Variants in TFAP2D observed in about 807,000 individuals in gnomAD.
The protein encoded by TFAP2D is transcription factor AP-2 delta.
A neutral mutation model predicts 43.6 loss-of-function variants in TFAP2D; 9 were observed. That is an observed-to-expected ratio of 0.21 (90% confidence interval 0.12 to 0.36). The LOEUF (loss-of-function observed/expected upper bound fraction) is 0.36, where lower values mean the gene tolerates loss of function less well. Among genes scored for constraint, TFAP2D ranks in the 10% least tolerant of loss-of-function variants. The probability of loss-of-function intolerance (pLI) is 1.00; values close to 1 mark genes in which losing one functional copy is unlikely to be tolerated. For synonymous variants in TFAP2D, 256 were observed against 224.9 expected (o/e 1.14, Z -1.24); for missense variants, 513 against 561.4 (o/e 0.91, Z 0.87).
At chr6:50,772,255 G>A (rs959194900) in intron 7 of TFAP2D, among the ~76,000 whole-genome samples, 8 of 152,066 alleles carry the variant, frequency 5.3e-5, no homozygotes, top group African/African-American at 1.9e-4. Flanking sequence ...GTGGGCGGAG[G>A]GGGGAGGGAT....
At chr6:50,756,432 A>C (rs1769266571) in intron 7 of TFAP2D, among the ~76,000 whole-genome samples, 1 of 152,076 alleles carries the variant, frequency 6.6e-6, no homozygotes, top group African/African-American at 2.4e-5. Context: ...CTCCTTCCTA[A>C]TGCAGACCAC....
intron 3 of TFAP2D, among the ~76,000 whole-genome samples, chr6:50,723,901 C>T (rs1323944366): frequency 1.3e-5 from 2 of 152,154 alleles, no homozygotes; most frequent in Non-Finnish European, 2.9e-5. Flanking sequence ...CGAGTCTCTT[C>T]ACGCACACCT....
intron 5 of TFAP2D, among the ~76,000 whole-genome samples, chr6:50,730,602 TG>T (rs1287198975): frequency 6.6e-6 from 1 of 152,138 alleles, no homozygotes; most frequent in African/African-American, 2.4e-5. Context: ...TAGTTATCAT[TG>T]TTTAAAAATA....
At chr6:50,773,032 CAA>C in exon 8 of TFAP2D, 9 of 469,890 alleles carry the variant, frequency 1.9e-5, no homozygotes, top group Non-Finnish European at 2.1e-5. Context: ...AGGACAAAAC[CAA>C]AAAAAAAAGA....
intron 3 of TFAP2D, among the ~76,000 whole-genome samples, chr6:50,723,340 T>A (rs992107801): frequency 2.0e-5 from 3 of 152,158 alleles, no homozygotes; most frequent in Non-Finnish European, 4.4e-5. Context: ...CTTCTCTGGG[T>A]TTCAGGAAGG....
chr6:50,756,144 G>A (rs2113888774), intron 7 of TFAP2D, among the ~76,000 whole-genome samples: 1 of 152,140 alleles, frequency 6.6e-6, no homozygotes. Flanking sequence ...TTACAGGCAT[G>A]TGAGCAACTG....
intron 5 of TFAP2D, among the ~76,000 whole-genome samples, chr6:50,740,509 C>T (rs1397607295): frequency 6.6e-6 from 1 of 152,166 alleles, no homozygotes. Context: ...TCTCAGCTCA[C>T]TGCAACTTCC....
chr6:50,761,706 A>C (rs994851766), intron 7 of TFAP2D, among the ~76,000 whole-genome samples: 9 of 152,112 alleles, frequency 5.9e-5, no homozygotes, highest in African/African-American at 2.2e-4. Flanking sequence ...GCATTTTTGA[A>C]GGACAATTAG....
intron 6 of TFAP2D, among the ~76,000 whole-genome samples, chr6:50,750,016 T>C (rs1671370817): frequency 1.3e-5 from 2 of 151,906 alleles, no homozygotes. Context: ...AGACCCTCAT[T>C]GTTCATTTAA....
intron 7 of TFAP2D, among the ~76,000 whole-genome samples, chr6:50,771,118 T>C (rs1769522703): frequency 6.6e-6 from 1 of 152,208 alleles, no homozygotes; most frequent in Non-Finnish European, 1.5e-5. Context: ...GAGGTTACCA[T>C]AACATTCCTT....
At chr6:50,747,117 A>T (rs184591499) in intron 6 of TFAP2D, among the ~76,000 whole-genome samples, 47 of 152,254 alleles carry the variant, frequency 3.1e-4, no homozygotes, top group Admixed American at 7.2e-4. Context: ...AACCTTTTGC[A>T]TATTTTGTCT....
At chr6:50,715,075 T>A in intron 1 of TFAP2D, 41 bp from the exon 2 acceptor site, 1 of 1,590,292 alleles carries the variant, frequency 6.3e-7, no homozygotes, top group Middle Eastern at 1.7e-4. Context: ...ATGACAAACC[T>A]CAAGTTTTTC....
intron 2 of TFAP2D, 134 bp downstream of exon 2, chr6:50,715,747 T>A (rs112315373): frequency 0.21 from 100,172 of 480,660 alleles, 3,778 homozygotes; most frequent in African/African-American, 0.32. Context: ...TCTCTCTCTC[T>A]CTCACACACA....
intron 5 of TFAP2D, among the ~76,000 whole-genome samples, chr6:50,735,090 A>G (rs562836542): frequency 6.6e-6 from 1 of 152,260 alleles, no homozygotes; most frequent in Non-Finnish European, 1.5e-5. Flanking sequence ...GATTGTTGCA[A>G]GGGTTAAATC....
intron 7 of TFAP2D, among the ~76,000 whole-genome samples, chr6:50,759,674 G>A (rs567956485): frequency 6.6e-6 from 1 of 152,066 alleles, no homozygotes; most frequent in African/African-American, 2.4e-5. Flanking sequence ...TAAAAATTAT[G>A]GTGCAGGCAT....
chr6:50,720,486 A>AACACAC lies in TFAP2D; in HGVS notation c.598+1384_598+1389dup, dbSNP rs59484837. ...TCTTGTTTCACCCTATGGAGATTAA[A>AACACAC]ACACACACACACACACACACACACA... On this transcript the variant is annotated intron_variant, in intron 3 of 7. Coordinates refer to ENST00000008391, the MANE Select transcript of TFAP2D (RefSeq NM_172238.4). Among the ~76,000 whole-genome samples, 1,071 of 139,118 alleles carry AACACAC rather than the reference A, an allele frequency of 7.7e-3. 4 individuals are homozygous for AACACAC. Among genetic ancestry groups the AACACAC allele is most frequent in the Middle Eastern group, 0.033 (9 of 272 alleles). The allele number at this position is 139,118 out of a possible 152,430, so 91.3% of individuals were successfully genotyped here.
chr6:50,747,095 G>C (rs73427153), intron 6 of TFAP2D, among the ~76,000 whole-genome samples: 2 of 152,046 alleles, frequency 1.3e-5, no homozygotes, highest in Non-Finnish European at 2.9e-5. Context: ...TAGTAGAAAA[G>C]ACCTAAATCT....
chr6:50,722,168 G>A (rs1768736437), intron 3 of TFAP2D, among the ~76,000 whole-genome samples: 1 of 152,338 alleles, frequency 6.6e-6, no homozygotes, highest in Middle Eastern at 3.4e-3. Context: ...ATTTGCCACT[G>A]CCTCGGAGGC....
At chr6:50,751,033 G>T (rs1769193614) in intron 6 of TFAP2D, among the ~76,000 whole-genome samples, 178 bp from the exon 7 acceptor site, 1 of 152,064 alleles carries the variant, frequency 6.6e-6, no homozygotes, top group Non-Finnish European at 1.5e-5. Context: ...GCCGTTGAGA[G>T]CAAAGTCACC....
Sources: allele counts gnomAD v4.1 joint callset (sites outside exome capture counted in the v4.1 genomes callset), GRCh38; gene constraint gnomAD v4.1.1; transcripts MANE v1.5; gene names NCBI Gene and HGNC (gene_info 2026-07-23, HGNC 2026-07-21).